Variants in CRLF3 observed in about 807,000 individuals in gnomAD.
CRLF3 encodes the protein cytokine receptor like factor 3, also known as cytokine receptor-like factor 3.
In CRLF3, 33 loss-of-function variants were observed where a neutral mutation model predicts 55.0. That is an observed-to-expected ratio of 0.60 (90% CI 0.46 to 0.80). CRLF3 has a LOEUF of 0.80. Ranked by LOEUF, CRLF3 falls within the 30% of genes least tolerant of loss-of-function variation. The probability of loss-of-function intolerance (pLI) is 0.00; values close to 1 mark genes in which losing one functional copy is unlikely to be tolerated. For missense variants in CRLF3, 494 were observed against 538.4 expected (o/e 0.92, Z 0.82); for synonymous variants, 238 against 196.8 (o/e 1.21, Z -1.75).
At chr17:30,796,704 G>A (rs1452465538) in intron 3 of CRLF3, among the ~76,000 whole-genome samples, 12 of 150,868 alleles carry the variant, frequency 8.0e-5, no homozygotes, top group Admixed American at 7.3e-4. Flanking sequence ...ATTAGTAACA[G>A]TGGTAATGGG....
At chr17:30,804,203 ATCT>A in intron 1 of CRLF3, 95 bp from the exon 2 acceptor site, 3 of 778,610 alleles carry the variant, frequency 3.9e-6, no homozygotes, top group Non-Finnish European at 6.3e-6. Flanking sequence ...CTGTATAACC[ATCT>A]TCTTCAATTT....
At chr17:30,810,558 C>A (rs1370103999) in intron 1 of CRLF3, among the ~76,000 whole-genome samples, 1 of 151,308 alleles carries the variant, frequency 6.6e-6, no homozygotes, top group African/African-American at 2.4e-5. Flanking sequence ...CAAGACTCCA[C>A]CTCAAAAAAA....
chr17:30,788,980 G>C (rs1388965791), intron 6 of CRLF3, among the ~76,000 whole-genome samples: 1 of 151,996 alleles, frequency 6.6e-6, no homozygotes, highest in Non-Finnish European at 1.5e-5. Flanking sequence ...ACTAAATATT[G>C]TTTCTCTTGA....
chr17:30,807,041 G>T (rs1363239927), intron 1 of CRLF3, among the ~76,000 whole-genome samples: 1 of 152,196 alleles, frequency 6.6e-6, no homozygotes, highest in African/African-American at 2.4e-5. Flanking sequence ...ACTGCAACCT[G>T]ACCTGGGCGA....
intron 6 of CRLF3, 27 bp downstream of exon 6, chr17:30,792,413 A>G: frequency 1.9e-6 from 3 of 1,590,336 alleles, no homozygotes; most frequent in Non-Finnish European, 2.6e-6. Context: ...TTCCTGAGGC[A>G]GGTGAGATGT....
chr17:30,785,289 C>G (rs1567656163), intron 7 of CRLF3: 1 of 150,580 alleles, frequency 6.6e-6, no homozygotes, highest in Non-Finnish European at 1.5e-5. Context: ...GTTGGCCGGG[C>G]TGGTCTTGAA....
intron 4 of CRLF3, among the ~76,000 whole-genome samples, chr17:30,795,842 A>C (rs1971908449): frequency 6.6e-6 from 1 of 152,114 alleles, no homozygotes; most frequent in South Asian, 2.1e-4. Flanking sequence ...AGGCCGAAGC[A>C]GGAGAATGGC....
intron 7 of CRLF3, chr17:30,784,869 C>T (rs1440045877): frequency 6.2e-6 from 1 of 161,206 alleles, no homozygotes; most frequent in African/African-American, 2.4e-5. Flanking sequence ...AGCAGTTCTC[C>T]TGCCTGAGCC....
intron 1 of CRLF3, among the ~76,000 whole-genome samples, chr17:30,823,073 T>C (rs1220282955): frequency 6.6e-6 from 1 of 151,692 alleles, no homozygotes; most frequent in Admixed American, 6.6e-5. Flanking sequence ...TTTTTAAATA[T>C]ATAAAACCCG....
chr17:30,797,371 C>T lies in CRLF3; in HGVS notation c.365G>A (p.Gly122Glu). The change falls in exon 3 of 8, where the codon GGA becomes GAA. Residue 122 changes from glycine to glutamate, a missense_variant. Transcript: ENST00000324238. The stretch of plus-strand genomic sequence containing the variant: ...GCTCCACAGTTTCTCATTCTCTTCT[C>T]CCACACCACCAAGCATGGCGATTTC... ...EGEIAMLGGV[G>E]EENEKLWSFT... 1 of 1,613,836 alleles carries T rather than the reference C, an allele frequency of 6.2e-7. No homozygotes were observed. Among genetic ancestry groups the T allele is most frequent in the Non-Finnish European group, 8.5e-7 (1 of 1,179,810 alleles).
chr17:30,784,623 G>C, intron 7 of CRLF3, 180 bp from the exon 8 acceptor site: 1 of 558,922 alleles, frequency 1.8e-6, no homozygotes, highest in Non-Finnish European at 3.1e-6. Context: ...CAGAGACTAT[G>C]AGTTTCCCAT....
intron 4 of CRLF3, among the ~76,000 whole-genome samples, 197 bp downstream of exon 4, chr17:30,795,963 T>A (rs1395922160): frequency 6.6e-6 from 1 of 151,522 alleles, no homozygotes; most frequent in Non-Finnish European, 1.5e-5. Context: ...TCTCAAAAAA[T>A]AAATAAATAA....
intron 1 of CRLF3, among the ~76,000 whole-genome samples, chr17:30,818,121 G>C (rs755390969): frequency 5.3e-5 from 8 of 151,754 alleles, no homozygotes; most frequent in Non-Finnish European, 1.2e-4. Context: ...TTAGCTGGGC[G>C]TGGTGGCGGG....
chr17:30,819,173 G>C (rs1018642527), intron 1 of CRLF3, among the ~76,000 whole-genome samples: 1 of 152,182 alleles, frequency 6.6e-6, no homozygotes, highest in African/African-American at 2.4e-5. Context: ...TGAAGGAGCA[G>C]AGACTTGCTT....
At chr17:30,824,130 G>C (rs1272852370) in intron 1 of CRLF3, among the ~76,000 whole-genome samples, 1 of 151,624 alleles carries the variant, frequency 6.6e-6, no homozygotes, top group Non-Finnish European at 1.5e-5. Flanking sequence ...CTCTTCCTCA[G>C]GCTCTCTAAA....
chr17:30,785,732 C>T (rs1264677739), intron 7 of CRLF3, among the ~76,000 whole-genome samples, 187 bp downstream of exon 7: 2 of 149,268 alleles, frequency 1.3e-5, no homozygotes, highest in East Asian at 2.0e-4. Context: ...CAGCGGGCTA[C>T]GATCATGCCA....
chr17:30,808,275 ATATTTTTTTTTT>A (rs1904484363), intron 1 of CRLF3, among the ~76,000 whole-genome samples: 9 of 103,432 alleles, frequency 8.7e-5, no homozygotes, highest in Admixed American at 6.5e-4. Context: ...CCTAGAACCT[ATATTTTTTTTTT>A]TTTTTTTTTT....
Position 30,824,523 on chromosome 17 carries a change from C to G in CRLF3, c.129G>C (p.Gln43His). The change falls in exon 1 of 8, where the codon CAG becomes CAC. Residue 43 changes from glutamine to histidine, a missense_variant and splice_region_variant. Coordinates refer to ENST00000324238, the MANE Select transcript of CRLF3 (RefSeq NM_015986.4). The part of the protein sequence containing the change: ...RLEGLREARR[Q>H]IKESASQTRD... ...GCCCCTGTGGGTGTGGCCCTCCGAC[C>G]TGCCTCCGCGCCTCACGCAGCCCCT... The G allele has an allele frequency of 6.3e-7, 1 of 1,588,388 alleles. No individual in the cohort carries two copies. The highest frequency in any genetic ancestry group is 8.5e-7 in the Non-Finnish European group (1 of 1,173,158).
intron 6 of CRLF3, among the ~76,000 whole-genome samples, chr17:30,791,862 T>G (rs984937156): frequency 2.0e-5 from 3 of 151,534 alleles, no homozygotes; most frequent in Admixed American, 6.6e-5. Context: ...GTGTGTGTGT[T>G]TGAGACACAG....
Sources: allele counts gnomAD v4.1 joint callset (sites outside exome capture counted in the v4.1 genomes callset), GRCh38; gene constraint gnomAD v4.1.1; transcripts MANE v1.5; gene names NCBI Gene and HGNC (gene_info 2026-07-23, HGNC 2026-07-21).